WRAP73: variants seen among roughly 807,000 people sequenced by gnomAD.
WRAP73 encodes WD repeat-containing protein WRAP73.
Under a neutral mutation model 59.6 loss-of-function variants are expected in WRAP73, and 55 were observed. That is an observed-to-expected ratio of 0.92 (90% CI 0.74 to 1.15). The LOEUF is 1.15. Among genes scored for constraint, WRAP73 ranks in the 50% most tolerant of loss-of-function variants. WRAP73 has a pLI of 0.00. For missense variants in WRAP73, 592 were observed against 608.1 expected (o/e 0.97, Z 0.28); for synonymous variants, 265 against 258.2 (o/e 1.03, Z -0.25).
chr1:3,635,863 A>G lies in WRAP73; in HGVS notation c.603+81T>C, dbSNP rs533111676. The G allele has an allele frequency of 3.6e-5, 44 of 1,210,938 alleles. No individual in the cohort carries two copies. In the African/African-American group the frequency reaches 4.4e-4, roughly 12 times the overall value. The allele number at this position is 1,210,938 out of a possible 1,614,324, so 75.0% of individuals were successfully genotyped here. A position where few individuals can be genotyped will look rare whatever the true frequency, so the allele number is the denominator to read the frequency against. On this transcript the variant is annotated intron_variant, in intron 6 of 11. Coordinates refer to ENST00000270708, the MANE Select transcript of WRAP73 (RefSeq NM_017818.4). ...TTGTTATCTGAAATAAGATAAAGCAAACTATATTGCAGCATTCAGAAAGCA... is the reference window on the plus strand; with the variant it reads ...TTGTTATCTGAAATAAGATAAAGCAGACTATATTGCAGCATTCAGAAAGCA...
chr1:3,648,223 A>G (rs926482381), intron 1 of WRAP73, among the ~76,000 whole-genome samples: 4 of 152,216 alleles, frequency 2.6e-5, no homozygotes, highest in Non-Finnish European at 5.9e-5. Context: ...TTTGTTCATT[A>G]TGTCCCTATC....
At chr1:3,647,708 CT>C in intron 1 of WRAP73, 148 bp from the exon 2 acceptor site, 1 of 817,414 alleles carries the variant, frequency 1.2e-6, no homozygotes, top group Non-Finnish European at 1.9e-6. Context: ...TCCCCAGCCC[CT>C]AAAGATCAGT....
rs1557467485 is a variant in WRAP73, at chr1:3,650,066, G to T, written c.-67C>A. On this transcript the variant is annotated 5_prime_UTR_variant, in exon 1 of 12. Transcript: ENST00000270708. ...CGCGGGACCCCTGGGCGCGCAGCAG[G>T]CTGCAACAGCCGACGCCGGCCTCCG... The T allele has an allele frequency of 4.6e-6, 2 of 437,530 alleles. No homozygotes were observed. The highest frequency in any genetic ancestry group is 6.7e-6 in the Non-Finnish European group (2 of 297,412). 27.1% of individuals were successfully genotyped at this position (437,530 alleles called of 1,614,324 possible). A position where few individuals can be genotyped will look rare whatever the true frequency, so the allele number is the denominator to read the frequency against.
In WRAP73 at chr1:3,637,147, C is replaced by T. The variant is rs756205249; in HGVS notation, c.413-49G>A. On this transcript the variant is annotated intron_variant, in intron 4 of 11. Coordinates refer to ENST00000270708, the MANE Select transcript of WRAP73 (RefSeq NM_017818.4). ...GAAATCAAGCGGCCACAAAATCAAG[C>T]AAGAGAAACCACAGTAGTAATTCAC... The T allele has an allele frequency of 8.2e-6, 12 of 1,470,714 alleles. No individual in the cohort carries two copies. In the South Asian group the frequency reaches 1.4e-4, roughly 18 times the overall value. The allele number at this position is 1,470,714 out of a possible 1,614,324, so 91.1% of individuals were successfully genotyped here.
chr1:3,635,780 C>T (rs1460346612), intron 6 of WRAP73, 164 bp downstream of exon 6: 1 of 632,156 alleles, frequency 1.6e-6, no homozygotes, highest in East Asian at 2.8e-5. Context: ...GTGATCACAC[C>T]ACTGCACTCC....
At position 3,639,118 on chromosome 1, in the gene WRAP73, C is replaced by T; in HGVS notation, c.340-296G>A. 1 of 376,010 alleles carries T rather than the reference C, an allele frequency of 2.7e-6. No homozygotes were observed. Among genetic ancestry groups the T allele is most frequent in the South Asian group, 3.2e-5 (1 of 31,330 alleles). The allele number at this position is 376,010 out of a possible 1,614,324, so 23.3% of individuals were successfully genotyped here. ...GCTTTTTCAAAGTGACCATAGGTTG[C>T]ATGTTATAATAACCCTGAGTTACTC... On this transcript the variant is annotated intron_variant, in intron 3 of 11. Transcript: ENST00000270708. This position sits in a 1 kb window ranked among gnomAD's most constrained non-coding sequence, Gnocchi z 4.3.
intron 3 of WRAP73, among the ~76,000 whole-genome samples, chr1:3,644,864 AT>A (rs1644674780): frequency 6.6e-6 from 1 of 152,200 alleles, no homozygotes; most frequent in Non-Finnish European, 1.5e-5. Context: ...GGGCCATTTA[AT>A]AAGATAATAC....
At chr1:3,649,617 C>T (rs1644721429) in intron 1 of WRAP73, among the ~76,000 whole-genome samples, 1 of 150,100 alleles carries the variant, frequency 6.7e-6, no homozygotes, top group Admixed American at 6.6e-5. Flanking sequence ...CCTGTCCGGC[C>T]CCCATATCTG....
chr1:3,643,403 G>A (rs547839782), intron 3 of WRAP73, among the ~76,000 whole-genome samples: 1 of 152,246 alleles, frequency 6.6e-6, no homozygotes, highest in Non-Finnish European at 1.5e-5. Flanking sequence ...GCAGTGTTCC[G>A]CTGCAGGCCT....
At chr1:3,648,841 G>C (rs907558468) in intron 1 of WRAP73, among the ~76,000 whole-genome samples, 8 of 152,174 alleles carry the variant, frequency 5.3e-5, no homozygotes, top group Non-Finnish European at 1.5e-5. Flanking sequence ...AATATACCAA[G>C]GCTGAGATGC....
At chr1:3,634,802 C>T in intron 8 of WRAP73, 195 bp downstream of exon 8, 1 of 694,154 alleles carries the variant, frequency 1.4e-6, no homozygotes, top group Non-Finnish European at 2.5e-6. Flanking sequence ...ACTTCAGACC[C>T]TTTGGGCAGC....
chr1:3,650,063 CAGGCTG>C lies in WRAP73; in HGVS notation c.-70_-65del. On this transcript the variant is annotated 5_prime_UTR_variant, in exon 1 of 12. Transcript: ENST00000270708. Reference sequence around the variant, plus strand: ...ACCCGCGGGACCCCTGGGCGCGCAGCAGGCTGCAACAGCCGACGCCGGCCTCCGAGG... The same window carrying C: ...ACCCGCGGGACCCCTGGGCGCGCAGCCAACAGCCGACGCCGGCCTCCGAGG... 2.3e-6 allele frequency: 1 copy of C among 439,476 alleles called. No individual in the cohort carries two copies. The highest frequency in any genetic ancestry group is 4.4e-5 in the South Asian group (1 of 22,762). 27.2% of individuals were successfully genotyped at this position (439,476 alleles called of 1,614,324 possible). A position where few individuals can be genotyped will look rare whatever the true frequency, so the allele number is the denominator to read the frequency against.
intron 9 of WRAP73, chr1:3,633,093 GA>G: frequency 2.8e-6 from 1 of 353,112 alleles, no homozygotes; most frequent in Non-Finnish European, 5.3e-6. Context: ...GCCACCCACG[GA>G]AAAGTGTTTC....
rs756174834 is a variant in WRAP73, at chr1:3,631,497, C to T, written c.1209G>A (p.Ala403=). 14 of 1,607,354 alleles carry T rather than the reference C, an allele frequency of 8.7e-6. No homozygotes were observed. Among genetic ancestry groups the T allele is most frequent in the Middle Eastern group, 1.7e-4 (1 of 6,054 alleles). ...CAGGCACCTGCACCGACATGCAGCC[C>T]GCTGGGGACCACAGGTAGAGCCTGC... ...GGSRLYLWSP[A]GCMSVQVPGE... is the part of the protein sequence containing the mutation. Residue 403 remains alanine, a synonymous_variant, in exon 11 of 12, where the codon GCG becomes GCA. Coordinates refer to ENST00000270708, the MANE Select transcript of WRAP73 (RefSeq NM_017818.4).
At chr1:3,645,587 T>C (rs1644683000) in intron 3 of WRAP73, among the ~76,000 whole-genome samples, 1 of 152,154 alleles carries the variant, frequency 6.6e-6, no homozygotes, top group South Asian at 2.1e-4. Flanking sequence ...CAGACAGCTA[T>C]GAGCACTCAG....
At chr1:3,631,763 C>T (rs1644536888) in intron 10 of WRAP73, 106 bp from the exon 11 acceptor site, 2 of 1,476,976 alleles carry the variant, frequency 1.4e-6, no homozygotes, top group East Asian at 4.7e-5. Context: ...AGGGGAAGAA[C>T]CGGTGGGGTG....
At chr1:3,647,313 C>A in intron 2 of WRAP73, 95 bp downstream of exon 2, 2 of 1,341,540 alleles carry the variant, frequency 1.5e-6, no homozygotes, top group Non-Finnish European at 2.0e-6. Context: ...GCTGCACGGA[C>A]TTTTTTTTCA....
intron 10 of WRAP73, 152 bp from the exon 11 acceptor site, chr1:3,631,809 C>A: frequency 7.0e-7 from 1 of 1,428,142 alleles, no homozygotes. Flanking sequence ...TTCAGTTGGG[C>A]CCTGTAGGGC....
In WRAP73 at chr1:3,650,090, C is replaced by T; in HGVS notation, c.-91G>A. 4.4e-6 allele frequency: 6 copies of T among 1,348,486 alleles called. No individual in the cohort carries two copies. Among genetic ancestry groups the T allele is most frequent in the Non-Finnish European group, 6.0e-6 (6 of 1,004,990 alleles). The allele number at this position is 1,348,486 out of a possible 1,614,324, so 83.5% of individuals were successfully genotyped here. On this transcript the variant is annotated 5_prime_UTR_variant, in exon 1 of 12. Transcript: ENST00000270708. ...GGCTGCAACAGCCGACGCCGGCCTCCGAGGCCGGAAGTCAGAAGGCGGAAG... is the reference window on the plus strand; with the variant it reads ...GGCTGCAACAGCCGACGCCGGCCTCTGAGGCCGGAAGTCAGAAGGCGGAAG...
Sources: gnomAD v4.1 joint callset for allele counts (sites outside exome capture counted in the v4.1 genomes callset) on GRCh38, gnomAD v4.1.1 for gene constraint, Gnocchi (gnomAD v3.1) non-coding constraint, MANE v1.5 for transcripts, NCBI Gene and HGNC (gene_info 2026-07-23, HGNC 2026-07-21) for gene names.